The following DAB1 variants were observed in gnomAD, a reference collection of about 807,000 sequenced individuals.
DAB1 encodes disabled homolog 1.
In DAB1, 15 loss-of-function variants were observed where a neutral mutation model predicts 64.6. The ratio of observed to expected loss-of-function variants is 0.23; its 90% CI spans 0.16 to 0.36. The LOEUF (loss-of-function observed/expected upper bound fraction) is 0.36. DAB1 is among the 10% of genes least tolerant of loss of function. The pLI, the probability that DAB1 is intolerant of heterozygous loss-of-function variation, is 1.00. For synonymous variants in DAB1, 235 were observed against 251.9 expected (o/e 0.93, Z 0.64); for missense variants, 596 against 706.7 (o/e 0.84, Z 1.78).
intron 5 of DAB1, among the ~76,000 whole-genome samples, chr1:58,060,488 C>T (rs1423956961): frequency 6.6e-6 from 1 of 152,194 alleles, no homozygotes; most frequent in Admixed American, 6.5e-5. Flanking sequence ...CTCATCTGCT[C>T]CCCAGAGTAA....
chr1:57,553,457 A>G (rs1321411952), intron 7 of DAB1, among the ~76,000 whole-genome samples: 69 of 105,954 alleles, frequency 6.5e-4, no homozygotes, highest in Admixed American at 1.6e-3. Flanking sequence ...AGAAAGAAAG[A>G]AAGAGAAAGG....
intron 2 of DAB1, among the ~76,000 whole-genome samples, chr1:57,251,712 TA>T (rs1424401041): frequency 1.3e-5 from 2 of 152,298 alleles, no homozygotes. Context: ...CTTATTGAAA[TA>T]GAAGGAATTT....
At chr1:58,409,668 TC>T (rs1332373930) in intron 3 of DAB1, among the ~76,000 whole-genome samples, 1 of 152,202 alleles carries the variant, frequency 6.6e-6, no homozygotes, top group Admixed American at 6.5e-5. Context: ...CTTGGGACCA[TC>T]CTTCTCCTCT....
At chr1:57,683,935 G>T (rs1031737870) in intron 6 of DAB1, among the ~76,000 whole-genome samples, 1 of 152,116 alleles carries the variant, frequency 6.6e-6, no homozygotes, top group African/African-American at 2.4e-5. Flanking sequence ...AGAACTTCTG[G>T]AACTGGAAAA....
At chr1:57,678,958 A>T (rs1020918290) in intron 6 of DAB1, among the ~76,000 whole-genome samples, 9 of 151,314 alleles carry the variant, frequency 5.9e-5, no homozygotes, top group African/African-American at 1.9e-4. Flanking sequence ...TTTTTCGTAG[A>T]GATGGGGTTT....
chr1:57,192,789 T>A (rs977783388), intron 2 of DAB1, among the ~76,000 whole-genome samples: 1 of 152,228 alleles, frequency 6.6e-6, no homozygotes, highest in Non-Finnish European at 1.5e-5. Context: ...TGTATTTTTT[T>A]AATTGAGGTT....
intron 5 of DAB1, among the ~76,000 whole-genome samples, chr1:57,956,539 T>A (rs186022597): frequency 6.4e-4 from 98 of 152,288 alleles, no homozygotes; most frequent in Admixed American, 8.5e-4. Context: ...GTCAGCCTCC[T>A]GGGGCAGGCA....
At chr1:58,046,345 C>T (rs1003839557) in intron 5 of DAB1, among the ~76,000 whole-genome samples, 16 of 152,170 alleles carry the variant, frequency 1.1e-4, no homozygotes, top group African/African-American at 2.9e-4. Context: ...AAGGACATCA[C>T]GGCAATTGAA....
intron 4 of DAB1, among the ~76,000 whole-genome samples, chr1:58,332,549 C>T (rs1448682289): frequency 6.6e-6 from 1 of 152,154 alleles, no homozygotes; most frequent in African/African-American, 2.4e-5. Flanking sequence ...ACTGTGCATA[C>T]ATAAATTAAA....
At chr1:58,052,964 A>G (rs185203293) in intron 5 of DAB1, among the ~76,000 whole-genome samples, 75 of 152,336 alleles carry the variant, frequency 4.9e-4, no homozygotes, top group African/African-American at 1.7e-3. Flanking sequence ...GAAGGCAAAG[A>G]AGTGCTAGCT....
chr1:57,544,406 G>A (rs1570612410), intron 7 of DAB1, among the ~76,000 whole-genome samples: 1 of 152,296 alleles, frequency 6.6e-6, no homozygotes, highest in East Asian at 1.9e-4. Context: ...CAGAAATTAA[G>A]TAATTTGCAA....
chr1:58,089,979 T>C (rs1650543855), intron 5 of DAB1, among the ~76,000 whole-genome samples: 1 of 152,252 alleles, frequency 6.6e-6, no homozygotes, highest in South Asian at 2.1e-4. Flanking sequence ...ACATCGCAGC[T>C]GCAAATTGCA....
intron 6 of DAB1, among the ~76,000 whole-genome samples, chr1:57,792,186 A>AG (rs1393764661): frequency 1.3e-5 from 2 of 152,026 alleles, no homozygotes; most frequent in African/African-American, 4.8e-5. Context: ...ACATCCCCTT[A>AG]CCAATTTGGT....
At chr1:58,007,410 A>G (rs1183303004) in intron 5 of DAB1, among the ~76,000 whole-genome samples, 1 of 152,184 alleles carries the variant, frequency 6.6e-6, no homozygotes, top group Non-Finnish European at 1.5e-5. Flanking sequence ...TCAAGCTTCA[A>G]CATGTACTTT....
chr1:57,401,581 GAGATATGA>G (rs1311903006), intron 1 of DAB1, among the ~76,000 whole-genome samples: 1 of 152,190 alleles, frequency 6.6e-6, no homozygotes, highest in East Asian at 1.9e-4. Flanking sequence ...CATTACTGCA[GAGATATGA>G]AGATATGAAA....
intron 2 of DAB1, among the ~76,000 whole-genome samples, chr1:57,274,402 CT>C (rs1361653466): frequency 6.6e-6 from 1 of 152,174 alleles, no homozygotes; most frequent in Non-Finnish European, 1.5e-5. Flanking sequence ...TTTCAGTTTC[CT>C]CTTTTAAAAA....
chr1:57,106,572 T>C (rs1049323561), intron 4 of DAB1, among the ~76,000 whole-genome samples: 3 of 152,166 alleles, frequency 2.0e-5, no homozygotes, highest in African/African-American at 7.2e-5. Context: ...GAGGCCCATG[T>C]AGAACTGGAA....
chr1:57,256,361 A>G (rs1401477189), intron 2 of DAB1, among the ~76,000 whole-genome samples: 2 of 152,238 alleles, frequency 1.3e-5, no homozygotes, highest in Non-Finnish European at 2.9e-5. Context: ...TCTGAGGTTC[A>G]TAAAAAGGTC....
At chr1:57,985,759 G>C (rs1646202024) in intron 5 of DAB1, among the ~76,000 whole-genome samples, 1 of 152,070 alleles carries the variant, frequency 6.6e-6, no homozygotes, top group African/African-American at 2.4e-5. Flanking sequence ...CCTAATAGCG[G>C]AGAAAATAAG....
Sources: gnomAD v4.1 joint callset for allele counts (sites outside exome capture counted in the v4.1 genomes callset) on GRCh38, gnomAD v4.1.1 for gene constraint, MANE v1.5 for transcripts, NCBI Gene and HGNC (gene_info 2026-07-23, HGNC 2026-07-21) for gene names.